The following NEGR1 variants were observed in gnomAD, a reference collection of about 807,000 sequenced individuals.
NEGR1 encodes neuronal growth regulator 1, also known as IgLON family member 4.
A neutral mutation model predicts 40.9 loss-of-function variants in NEGR1; 10 were observed. The observed-to-expected ratio is 0.24, with a 90% CI of 0.15 to 0.42. The LOEUF (loss-of-function observed/expected upper bound fraction) is 0.42. Ranked by LOEUF, NEGR1 falls within the 10% of genes least tolerant of loss-of-function variation. NEGR1 has a pLI of 1.00. For missense variants in NEGR1, 352 were observed against 438.9 expected (o/e 0.80, Z 1.77); for synonymous variants, 185 against 166.8 (o/e 1.11, Z -0.84).
chr1:72,208,720 T>C (rs1203781156), intron 1 of NEGR1, among the ~76,000 whole-genome samples: 2 of 151,668 alleles, frequency 1.3e-5, no homozygotes, highest in Non-Finnish European at 3.0e-5. Context: ...ACAAATATAT[T>C]ATTATTATTT....
intron 3 of NEGR1, among the ~76,000 whole-genome samples, chr1:71,753,858 G>A (rs1655647100): frequency 6.6e-6 from 1 of 151,882 alleles, no homozygotes; most frequent in Admixed American, 6.6e-5. Context: ...AGAACACCTG[G>A]GAAGAGAAAT....
chr1:71,693,341 A>T (rs1362204333), intron 4 of NEGR1, among the ~76,000 whole-genome samples: 1 of 151,652 alleles, frequency 6.6e-6, no homozygotes, highest in African/African-American at 2.4e-5. Flanking sequence ...TAGTAGAATG[A>T]TTCACCTGGA....
chr1:71,779,016 C>A (rs1355717035), intron 2 of NEGR1, among the ~76,000 whole-genome samples: 1 of 151,948 alleles, frequency 6.6e-6, no homozygotes, highest in Non-Finnish European at 1.5e-5. Flanking sequence ...ATTGCAATTG[C>A]CTTCCAGGGC....
intron 1 of NEGR1, among the ~76,000 whole-genome samples, chr1:72,262,600 G>A (rs1655496157): frequency 2.0e-5 from 3 of 151,854 alleles, no homozygotes; most frequent in African/African-American, 4.8e-5. Flanking sequence ...AGCACTATTA[G>A]TTGTATCAAT....
intron 6 of NEGR1, among the ~76,000 whole-genome samples, chr1:71,541,219 T>A (rs904299989): frequency 4.6e-5 from 7 of 151,564 alleles, no homozygotes; most frequent in East Asian, 3.9e-4. Flanking sequence ...AGGTTTTTTT[T>A]AAAAAAAGAA....
At chr1:71,746,477 C>T (rs1428589833) in intron 3 of NEGR1, among the ~76,000 whole-genome samples, 2 of 151,992 alleles carry the variant, frequency 1.3e-5, no homozygotes, top group Non-Finnish European at 2.9e-5. Context: ...CCTTAAAAAT[C>T]ACATTTTTGA....
At chr1:71,861,035 C>T (rs1378186746) in intron 2 of NEGR1, among the ~76,000 whole-genome samples, 1 of 152,028 alleles carries the variant, frequency 6.6e-6, no homozygotes, top group Non-Finnish European at 1.5e-5. Flanking sequence ...TTAACTACTG[C>T]TTATTTTCAT....
At chr1:71,448,178 A>G (rs1192467773) in intron 6 of NEGR1, among the ~76,000 whole-genome samples, 1 of 152,094 alleles carries the variant, frequency 6.6e-6, no homozygotes, top group Admixed American at 6.6e-5. Context: ...AAAGGATAGA[A>G]ATGAGGCTGA....
chr1:71,602,933 T>C (rs921703958), intron 5 of NEGR1, among the ~76,000 whole-genome samples: 4 of 152,248 alleles, frequency 2.6e-5, no homozygotes, highest in African/African-American at 9.6e-5. Flanking sequence ...TTTGCATCTC[T>C]GGCCTTGAAT....
At chr1:72,095,103 A>G (rs1648647323) in intron 1 of NEGR1, among the ~76,000 whole-genome samples, 1 of 152,166 alleles carries the variant, frequency 6.6e-6, no homozygotes. Flanking sequence ...ATGAAATATG[A>G]TGATATGCCT....
At chr1:72,091,409 T>TTCCTTCTC (rs1274067301) in intron 1 of NEGR1, among the ~76,000 whole-genome samples, 2 of 111,266 alleles carry the variant, frequency 1.8e-5, no homozygotes, top group Non-Finnish European at 3.5e-5. Context: ...CCTTCCTCCC[T>TTCCTTCTC]TCCTTCTCTC....
At chr1:71,867,479 C>G (rs900425082) in intron 2 of NEGR1, among the ~76,000 whole-genome samples, 4 of 152,134 alleles carry the variant, frequency 2.6e-5, no homozygotes, top group Non-Finnish European at 5.9e-5. Flanking sequence ...GGGTTGTTTA[C>G]ATTACAGAAA....
intron 6 of NEGR1, among the ~76,000 whole-genome samples, chr1:71,451,958 G>A (rs1013017891): frequency 6.6e-6 from 1 of 152,024 alleles, no homozygotes; most frequent in African/African-American, 2.4e-5. Context: ...TTGCACCCAC[G>A]CCTTTTCCTC....
At chr1:72,244,524 G>A (rs1654844094) in intron 1 of NEGR1, among the ~76,000 whole-genome samples, 1 of 151,652 alleles carries the variant, frequency 6.6e-6, no homozygotes, top group African/African-American at 2.4e-5. Context: ...TATTGTTTAT[G>A]CATCTTTTAT....
chr1:71,872,580 A>C (rs191864079), intron 2 of NEGR1, among the ~76,000 whole-genome samples: 2 of 152,306 alleles, frequency 1.3e-5, no homozygotes, highest in East Asian at 3.9e-4. Context: ...AGTGACCATC[A>C]TGAGCAAAGC....
chr1:72,016,194 C>T (rs532453978), intron 1 of NEGR1, among the ~76,000 whole-genome samples: 1 of 151,676 alleles, frequency 6.6e-6, no homozygotes, highest in African/African-American at 2.4e-5. Flanking sequence ...AGATTAAATA[C>T]AAAATAATTG....
intron 1 of NEGR1, among the ~76,000 whole-genome samples, chr1:72,268,161 C>A (rs960576258): frequency 6.6e-6 from 1 of 151,260 alleles, no homozygotes; most frequent in Non-Finnish European, 1.5e-5. Flanking sequence ...GTAACAAATT[C>A]TTTAACTAAA....
At chr1:71,542,043 C>A (rs1647722358) in intron 6 of NEGR1, among the ~76,000 whole-genome samples, 1 of 151,478 alleles carries the variant, frequency 6.6e-6, no homozygotes, top group Non-Finnish European at 1.5e-5. Context: ...TAAATAAAAA[C>A]AACAAAACAA....
intron 3 of NEGR1, among the ~76,000 whole-genome samples, chr1:71,753,536 G>T (rs1655636474): frequency 6.6e-6 from 1 of 152,012 alleles, no homozygotes; most frequent in Admixed American, 6.6e-5. Flanking sequence ...CTTATAATTA[G>T]TAATTATATA....
Sources: gnomAD v4.1 joint callset for allele counts (sites outside exome capture counted in the v4.1 genomes callset) on GRCh38, gnomAD v4.1.1 for gene constraint, MANE v1.5 for transcripts, NCBI Gene and HGNC (gene_info 2026-07-23, HGNC 2026-07-21) for gene names.